Variants in RGS6 observed in about 807,000 individuals in gnomAD.
RGS6 encodes the protein regulator of G protein signaling 6.
Under a neutral mutation model 78.5 loss-of-function variants are expected in RGS6, and 30 were observed. The ratio of observed to expected loss-of-function variants is 0.38; its 90% confidence interval spans 0.29 to 0.52. The LOEUF (loss-of-function observed/expected upper bound fraction) is 0.52, where lower values mean the gene tolerates loss of function less well. Among genes scored for constraint, RGS6 ranks in the 20% least tolerant of loss-of-function variants. RGS6 has a pLI of 0.85. For synonymous variants in RGS6, 206 were observed against 206.0 expected (o/e 1.00, Z 0.00); for missense variants, 495 against 609.7 (o/e 0.81, Z 1.98).
chr14:72,423,238 G>C (rs2094282715), intron 3 of RGS6, among the ~76,000 whole-genome samples: 1 of 152,184 alleles, frequency 6.6e-6, no homozygotes, highest in Non-Finnish European at 1.5e-5. Context: ...TCGTGAAATA[G>C]ACAGAAATTT....
At chr14:72,059,759 A>G (rs960989299) in intron 2 of RGS6, among the ~76,000 whole-genome samples, 1 of 152,148 alleles carries the variant, frequency 6.6e-6, no homozygotes, top group Non-Finnish European at 1.5e-5. Context: ...CCTTATAATA[A>G]GAGGCCATGT....
intron 2 of RGS6, among the ~76,000 whole-genome samples, chr14:72,214,384 A>T (rs1248386974): frequency 6.6e-6 from 1 of 151,956 alleles, no homozygotes; most frequent in Non-Finnish European, 1.5e-5. Flanking sequence ...CACCATACTG[A>T]CACTGTTTTA....
chr14:72,458,670 T>C (rs1188463914), intron 5 of RGS6, among the ~76,000 whole-genome samples: 1 of 152,184 alleles, frequency 6.6e-6, no homozygotes, highest in Admixed American at 6.5e-5. Context: ...AAAAATTTAC[T>C]TCTCATGGTT....
At chr14:72,307,840 A>T (rs2067611193) in intron 2 of RGS6, among the ~76,000 whole-genome samples, 2 of 152,234 alleles carry the variant, frequency 1.3e-5, no homozygotes, top group African/African-American at 4.8e-5. Context: ...CAAATTTTCC[A>T]ATCAAAGACT....
chr14:72,597,732 G>A, the RGS6 span, among the ~76,000 whole-genome samples: 64,118 of 151,960 alleles, frequency 0.42, 14,602 homozygotes, highest in East Asian at 0.75. Context: ...GGGCCCTGAC[G>A]GACATTGGAC....
chr14:72,189,120 C>T (rs1250258320), intron 2 of RGS6, among the ~76,000 whole-genome samples: 1 of 152,152 alleles, frequency 6.6e-6, no homozygotes, highest in African/African-American at 2.4e-5. Flanking sequence ...ATTGCAGCCA[C>T]TCAACTCTGC....
the RGS6 span, among the ~76,000 whole-genome samples, chr14:71,898,927 G>C: frequency 6.6e-6 from 1 of 152,144 alleles, no homozygotes; most frequent in Non-Finnish European, 1.5e-5. Context: ...TTATAAGTTA[G>C]AATATATTTA....
the RGS6 span, among the ~76,000 whole-genome samples, chr14:71,892,001 T>G: frequency 6.6e-6 from 1 of 152,204 alleles, no homozygotes; most frequent in African/African-American, 2.4e-5. Flanking sequence ...TCTTACAAAG[T>G]AGAGATTTTA....
At chr14:72,419,282 G>A (rs764049005) in intron 3 of RGS6, among the ~76,000 whole-genome samples, 2 of 152,116 alleles carry the variant, frequency 1.3e-5, no homozygotes, top group East Asian at 1.9e-4. Flanking sequence ...ACAAGTATTC[G>A]CTCATTTTAT....
chr14:72,037,436 ACT>A (rs2091875755), intron 2 of RGS6, among the ~76,000 whole-genome samples: 1 of 152,062 alleles, frequency 6.6e-6, no homozygotes. Flanking sequence ...GAAGGAAGAA[ACT>A]CTGGATACAT....
chr14:72,119,053 C>T (rs950284639), intron 2 of RGS6, among the ~76,000 whole-genome samples: 4 of 151,862 alleles, frequency 2.6e-5, no homozygotes, highest in Non-Finnish European at 5.9e-5. Flanking sequence ...TTCCAGGATA[C>T]GTAAAAGTTG....
At chr14:72,059,016 G>A (rs2093759486) in intron 2 of RGS6, among the ~76,000 whole-genome samples, 1 of 152,060 alleles carries the variant, frequency 6.6e-6, no homozygotes, top group Non-Finnish European at 1.5e-5. Flanking sequence ...TGATTCTTGT[G>A]CCTCAGCCTC....
chr14:72,197,061 T>A (rs533418206), intron 2 of RGS6, among the ~76,000 whole-genome samples: 1 of 152,248 alleles, frequency 6.6e-6, no homozygotes, highest in African/African-American at 2.4e-5. Flanking sequence ...ATATTTTCTT[T>A]TTTCTTTCTT....
intron 2 of RGS6, among the ~76,000 whole-genome samples, chr14:72,331,059 A>G (rs1413231878): frequency 1.3e-5 from 2 of 152,178 alleles, no homozygotes; most frequent in African/African-American, 4.8e-5. Flanking sequence ...ATCAGTCTGT[A>G]GAGGGATGTG....
At chr14:72,364,553 T>G (rs1469982083) in intron 3 of RGS6, among the ~76,000 whole-genome samples, 2 of 152,212 alleles carry the variant, frequency 1.3e-5, no homozygotes, top group Admixed American at 1.3e-4. Flanking sequence ...GGAGCTTCCA[T>G]TTCAACAGCA....
chr14:72,058,883 C>A (rs1164846909), intron 2 of RGS6, among the ~76,000 whole-genome samples: 1 of 152,076 alleles, frequency 6.6e-6, no homozygotes, highest in African/African-American at 2.4e-5. Flanking sequence ...TTATATCAGC[C>A]ACTTCACAGC....
intron 2 of RGS6, among the ~76,000 whole-genome samples, chr14:71,989,478 C>G (rs1298182060): frequency 1.3e-5 from 2 of 152,248 alleles, no homozygotes; most frequent in African/African-American, 2.4e-5. Context: ...TCTTCTAGCA[C>G]TCTGCATCCT....
At chr14:72,087,965 G>T (rs1374010217) in intron 2 of RGS6, among the ~76,000 whole-genome samples, 1 of 152,114 alleles carries the variant, frequency 6.6e-6, no homozygotes, top group Non-Finnish European at 1.5e-5. Flanking sequence ...GAGGGCAACA[G>T]ATCTCTCCCT....
chr14:71,982,058 C>CAG (rs2094491020), intron 2 of RGS6, among the ~76,000 whole-genome samples: 2 of 148,176 alleles, frequency 1.3e-5, no homozygotes, highest in Non-Finnish European at 3.0e-5. Context: ...TCCAGGTGCC[C>CAG]TCCGTCACCC....
Sources: gnomAD v4.1 joint callset for allele counts (sites outside exome capture counted in the v4.1 genomes callset) on GRCh38, gnomAD v4.1.1 for gene constraint, MANE v1.5 for transcripts, NCBI Gene and HGNC (gene_info 2026-07-23, HGNC 2026-07-21) for gene names.